CDH6: variants seen among roughly 807,000 people sequenced by gnomAD.
The protein encoded by CDH6 is cadherin-6.
Under a neutral mutation model 78.0 loss-of-function variants are expected in CDH6, and 31 were observed. The observed-to-expected ratio is 0.40, with a 90% CI of 0.30 to 0.54. The LOEUF is 0.54. Ranked by LOEUF, CDH6 falls within the 20% of genes least tolerant of loss-of-function variation. CDH6 has a pLI of 0.56. For missense variants in CDH6, 724 were observed against 975.9 expected (o/e 0.74, Z 3.44); for synonymous variants, 376 against 368.8 (o/e 1.02, Z -0.23).
chr5:31,325,048 A>G lies in CDH6; in HGVS notation c.*1740A>G, dbSNP rs1287548094. 1 of 216,080 alleles carries G rather than the reference A, an allele frequency of 4.6e-6. No individual in the cohort carries two copies. Among genetic ancestry groups the G allele is most frequent in the Admixed American group, 5.8e-5 (1 of 17,198 alleles). The allele number at this position is 216,080 out of a possible 1,614,324, so 13.4% of individuals were successfully genotyped here. ...CATTTGGGGATATTGTCATATCAGC[A>G]CATATTTTCTGTTTGGAAACACACT... On this transcript the variant is annotated 3_prime_UTR_variant, in exon 12 of 12. Transcript: ENST00000265071.
chr5:31,222,499 A>G (rs1741031071), intron 1 of CDH6, among the ~76,000 whole-genome samples: 1 of 152,198 alleles, frequency 6.6e-6, no homozygotes, highest in Non-Finnish European at 1.5e-5. Context: ...GGAATATATT[A>G]AATCGAGCTT....
Position 31,326,681 on chromosome 5 carries a change from A to ATTTTTTTTTT in CDH6, c.*3392_*3401dup, listed in dbSNP as rs202082546. Reference sequence around the variant, plus strand: ...AAAGAGTTGTGCAGAAAATCTTAAAATTTTTTTTTTTTTTTTTTTTTTTTT... The same window carrying ATTTTTTTTTT: ...AAAGAGTTGTGCAGAAAATCTTAAAATTTTTTTTTTTTTTTTTTTTTTTTTTTTTTTTTTT... On this transcript the variant is annotated 3_prime_UTR_variant, in exon 12 of 12. Transcript: ENST00000265071. 1 of 123,722 alleles carries ATTTTTTTTTT rather than the reference A, an allele frequency of 8.1e-6. No individual in the cohort carries two copies. The highest frequency in any genetic ancestry group is 8.3e-5 in the Admixed American group (1 of 12,086). 7.7% of individuals were successfully genotyped at this position (123,722 alleles called of 1,614,324 possible).
In CDH6 at chr5:31,299,540, T is replaced by C. The variant is rs141433876; in HGVS notation, c.720T>C (p.Asp240=). ...ACCAAGTGGTGATTCAAGCCAAGGA[T>C]ATGGGCGGCCAGATGGGAGGATTAT... is the stretch of plus-strand genomic sequence containing the variant. The part of the protein sequence containing the change: ...EQYQVVIQAK[D]MGGQMGGLSG... Residue 240 remains aspartate (D), a synonymous_variant, in exon 5 of 12, where the codon GAT becomes GAC. Coordinates refer to ENST00000265071, the MANE Select transcript of CDH6 (RefSeq NM_004932.4). 359 of 1,613,914 alleles carry C rather than the reference T, an allele frequency of 2.2e-4. 2 individuals carry two copies. The African/African-American group carries it at 4.3e-3, about 19-fold the overall frequency.
At chr5:31,199,467 C>T (rs201212663) in intron 1 of CDH6, among the ~76,000 whole-genome samples, 3 of 63,632 alleles carry the variant, frequency 4.7e-5, no homozygotes, top group African/African-American at 1.1e-4. Context: ...TGTATATATA[C>T]ACACACATAT....
At chr5:31,278,006 G>T (rs1331026255) in intron 2 of CDH6, among the ~76,000 whole-genome samples, 1 of 152,140 alleles carries the variant, frequency 6.6e-6, no homozygotes, top group East Asian at 1.9e-4. Flanking sequence ...GTGTGTATGT[G>T]TATTTGTGTG....
rs751754561 is a variant in CDH6, at chr5:31,305,341, C to A, written c.1167C>A (p.Ile389=). The change falls in exon 7 of 12, where the codon ATC becomes ATA. Residue 389 remains isoleucine (I), a synonymous_variant. Transcript: ENST00000265071. ...CTGTCTTCAGCAAACTGGCCTACAT[C>A]TTACAAATAAGAGAAGATGCTCAGA... ...EPPVFSKLAY[I]LQIREDAQIN... 2.4e-5 allele frequency: 38 copies of A among 1,613,968 alleles called. No homozygotes were observed. Among genetic ancestry groups the A allele is most frequent in the Non-Finnish European group, 2.6e-5 (31 of 1,179,966 alleles).
chr5:31,270,557 T>G (rs1742499775), intron 2 of CDH6, among the ~76,000 whole-genome samples: 1 of 152,172 alleles, frequency 6.6e-6, no homozygotes, highest in African/African-American at 2.4e-5. Context: ...CCCAGCTTTA[T>G]AAATATAAAT....
intron 1 of CDH6, among the ~76,000 whole-genome samples, chr5:31,227,212 A>T (rs900399132): frequency 1.3e-5 from 2 of 152,104 alleles, no homozygotes; most frequent in African/African-American, 4.8e-5. Flanking sequence ...GAGACAAGGA[A>T]AGGAACGTAC....
rs78778677 is a variant in CDH6, at chr5:31,214,235, A to G, written c.-129+20349A>G. 8.2e-3 allele frequency among the ~76,000 whole-genome samples: 1,248 copies of G among 152,190 alleles called. 22 individuals are homozygous for G. The highest frequency in any genetic ancestry group is 0.028 in the African/African-American group (1,182 of 41,522). On this transcript the variant is annotated intron_variant, in intron 1 of 11. Transcript: ENST00000265071. ...CAGAAAGAGGTCACAAGGCATGTCA[A>G]ACAACTCAATCACTCTTGTTTTTAA...
chr5:31,248,516 A>T (rs1360751041), intron 1 of CDH6, among the ~76,000 whole-genome samples: 1 of 152,130 alleles, frequency 6.6e-6, no homozygotes, highest in African/African-American at 2.4e-5. Flanking sequence ...AGTTCTTTTC[A>T]TCTCTTTACT....
At chr5:31,301,213 C>CA (rs1230486913) in intron 5 of CDH6, among the ~76,000 whole-genome samples, 2 of 152,174 alleles carry the variant, frequency 1.3e-5, no homozygotes, top group African/African-American at 4.8e-5. Flanking sequence ...AGTATGAACT[C>CA]AAGGGATTAC....
At chr5:31,260,568 A>C (rs1391658037) in intron 1 of CDH6, among the ~76,000 whole-genome samples, 1 of 152,210 alleles carries the variant, frequency 6.6e-6, no homozygotes, top group African/African-American at 2.4e-5. Flanking sequence ...TATCTTTATT[A>C]ATGCAATGTG....
intron 1 of CDH6, among the ~76,000 whole-genome samples, chr5:31,199,703 ATATATATATATATCTC>A (rs1325474685): frequency 7.5e-6 from 1 of 133,674 alleles, no homozygotes; most frequent in Non-Finnish European, 1.6e-5. Context: ...ATATATATAT[ATATATATATATATCTC>A]AAAGATAAAA....
At chr5:31,226,417 C>T (rs544765987) in intron 1 of CDH6, among the ~76,000 whole-genome samples, 25 of 152,266 alleles carry the variant, frequency 1.6e-4, no homozygotes, top group Middle Eastern at 3.4e-3. Context: ...TCAGGTGATC[C>T]GCCCACCTTG....
At chr5:31,321,012 A>G (rs1045385775) in intron 11 of CDH6, among the ~76,000 whole-genome samples, 3 of 151,548 alleles carry the variant, frequency 2.0e-5, no homozygotes, top group Non-Finnish European at 4.4e-5. Context: ...CTGTATGTTC[A>G]TATGGGCTCC....
intron 1 of CDH6, among the ~76,000 whole-genome samples, chr5:31,206,569 A>T (rs180968232): frequency 1.3e-5 from 2 of 152,330 alleles, no homozygotes; most frequent in Admixed American, 1.3e-4. Context: ...ATCATTAATT[A>T]CTTTATTCAT....
intron 2 of CDH6, among the ~76,000 whole-genome samples, chr5:31,289,138 T>C (rs950091130): frequency 2.0e-5 from 3 of 152,204 alleles, no homozygotes; most frequent in Non-Finnish European, 2.9e-5. Context: ...TTCCCCACTT[T>C]GGAGTCCCAG....
rs151043213 is a variant in CDH6 at position 31,328,175 on chromosome 5, CTTTTTTTTTTTT to C, written c.*4877_*4888del. On this transcript the variant is annotated 3_prime_UTR_variant, in exon 12 of 12. Coordinates refer to ENST00000265071, the MANE Select transcript of CDH6 (RefSeq NM_004932.4). ...AGAGCTTTTACAAGTTGCTTAATTC[CTTTTTTTTTTTT>C]TTTTTTTTTCAAAAACCCATGAACC... The C allele has an allele frequency of 2.5e-5, 3 of 121,486 alleles. No individual in the cohort carries two copies. Among genetic ancestry groups the C allele is most frequent in the East Asian group, 2.6e-4 (2 of 7,676 alleles). 7.5% of individuals were successfully genotyped at this position (121,486 alleles called of 1,614,324 possible). A position where few individuals can be genotyped will look rare whatever the true frequency, so the allele number is the denominator to read the frequency against.
At chr5:31,207,635 G>A (rs1199408854) in intron 1 of CDH6, among the ~76,000 whole-genome samples, 2 of 152,176 alleles carry the variant, frequency 1.3e-5, no homozygotes, top group East Asian at 1.9e-4. Context: ...TACCAAAAAG[G>A]CCTAGCCTTG....
Sources: gnomAD v4.1 joint callset for allele counts (sites outside exome capture counted in the v4.1 genomes callset) on GRCh38, gnomAD v4.1.1 for gene constraint, MANE v1.5 for transcripts, NCBI Gene and HGNC (gene_info 2026-07-23, HGNC 2026-07-21) for gene names.